Variants in PDZRN4 observed in about 807,000 individuals in gnomAD.
PDZRN4 encodes PDZ domain containing ring finger 4.
In PDZRN4, 70 loss-of-function variants were observed where a neutral mutation model predicts 99.0. The observed-to-expected ratio is 0.71, with a 90% confidence interval of 0.58 to 0.86. The LOEUF is 0.86. PDZRN4 is among the 40% of genes least tolerant of loss of function. The probability of loss-of-function intolerance (pLI) is 0.00; values close to 1 mark genes in which losing one functional copy is unlikely to be tolerated. For synonymous variants in PDZRN4, 551 were observed against 501.6 expected (o/e 1.10, Z -1.32); for missense variants, 1,474 against 1,331.2 (o/e 1.11, Z -1.67).
intron 3 of PDZRN4, among the ~76,000 whole-genome samples, chr12:41,306,821 T>C (rs919585522): frequency 6.6e-6 from 1 of 152,224 alleles, no homozygotes; most frequent in Non-Finnish European, 1.5e-5. Context: ...GCCATGTTCC[T>C]TGCCTCCATA....
intron 3 of PDZRN4, among the ~76,000 whole-genome samples, chr12:41,495,936 C>T (rs1330569098): frequency 6.6e-6 from 1 of 152,128 alleles, no homozygotes; most frequent in Admixed American, 6.6e-5. Context: ...ATAGCACAGG[C>T]ATAGTTAGCC....
At chr12:41,422,571 C>G (rs555951111) in intron 3 of PDZRN4, among the ~76,000 whole-genome samples, 1 of 152,052 alleles carries the variant, frequency 6.6e-6, no homozygotes, top group Non-Finnish European at 1.5e-5. Context: ...GAAGCAAGGA[C>G]CTTCTTCACA....
intron 3 of PDZRN4, among the ~76,000 whole-genome samples, chr12:41,406,196 A>T (rs879662775): frequency 1.3e-5 from 2 of 152,200 alleles, no homozygotes; most frequent in Admixed American, 1.3e-4. Context: ...ACTAAAATAC[A>T]AGTACTAGAT....
intron 5 of PDZRN4, among the ~76,000 whole-genome samples, chr12:41,529,876 TA>T (rs1171724145): frequency 6.6e-6 from 1 of 152,318 alleles, no homozygotes; most frequent in East Asian, 1.9e-4. Context: ...CTTCTGGACC[TA>T]ATGTTCTGAT....
rs74078828 is a variant in PDZRN4, at chr12:41,426,277, T to C, written c.844-80179T>C. Among the ~76,000 whole-genome samples the C allele has an allele frequency of 3.9e-3, 598 of 151,784 alleles. 2 individuals carry two copies. The highest frequency in any genetic ancestry group is 0.014 in the African/African-American group (580 of 41,062). On this transcript the variant is annotated intron_variant, in intron 3 of 9. Transcript: ENST00000402685. ...TAGATAGGTTCGGTGGGGGCTTCTT[T>C]ATGCCCAACCCATAACTGATCCTAG...
chr12:41,370,944 T>A (rs1010965460), intron 3 of PDZRN4, among the ~76,000 whole-genome samples: 2 of 151,550 alleles, frequency 1.3e-5, no homozygotes, highest in African/African-American at 4.8e-5. Context: ...TACTTCTCTG[T>A]TTTAATCATA....
chr12:41,231,391 A>G (rs1951029027), intron 3 of PDZRN4, among the ~76,000 whole-genome samples: 1 of 152,122 alleles, frequency 6.6e-6, no homozygotes, highest in African/African-American at 2.4e-5. Flanking sequence ...CATTGCAGAA[A>G]GGATCAGATT....
intron 3 of PDZRN4, among the ~76,000 whole-genome samples, chr12:41,460,883 T>C (rs1187637152): frequency 6.6e-6 from 1 of 152,214 alleles, no homozygotes; most frequent in East Asian, 1.9e-4. Context: ...TTCATGTTGC[T>C]CGTCTAAGGG....
intron 6 of PDZRN4, among the ~76,000 whole-genome samples, chr12:41,554,767 A>T (rs760134571): frequency 4.6e-4 from 70 of 152,020 alleles, no homozygotes; most frequent in Non-Finnish European, 7.2e-4. Flanking sequence ...TTTACCCCAC[A>T]TGTAAAGTAG....
At chr12:41,513,047 T>A (rs1938336157) in intron 5 of PDZRN4, among the ~76,000 whole-genome samples, 1 of 152,052 alleles carries the variant, frequency 6.6e-6, no homozygotes, top group African/African-American at 2.4e-5. Context: ...TACTATTAAC[T>A]CAGTGAACCA....
intron 3 of PDZRN4, among the ~76,000 whole-genome samples, chr12:41,502,002 G>A (rs1044016678): frequency 1.3e-5 from 2 of 151,860 alleles, no homozygotes; most frequent in African/African-American, 2.4e-5. Context: ...CCTACATTTA[G>A]TTTGTCTCGG....
At chr12:41,338,532 G>A (rs34220247) in intron 3 of PDZRN4, among the ~76,000 whole-genome samples, 64,048 of 151,354 alleles carry the variant, frequency 0.42, 16,014 homozygotes, top group Middle Eastern at 0.64. Flanking sequence ...TTGGTTTTTC[G>A]AAAAGATAAA....
At chr12:41,270,328 G>C (rs1443472761) in intron 3 of PDZRN4, among the ~76,000 whole-genome samples, 1 of 125,410 alleles carries the variant, frequency 8.0e-6, no homozygotes, top group Non-Finnish European at 1.7e-5. Flanking sequence ...GTGTGTGTCT[G>C]TGTGTGTGTG....
At chr12:41,418,688 A>G (rs1488216801) in intron 3 of PDZRN4, among the ~76,000 whole-genome samples, 1 of 152,188 alleles carries the variant, frequency 6.6e-6, no homozygotes, top group East Asian at 1.9e-4. Context: ...TATGTAAAAC[A>G]AAGCAATTTT....
chr12:41,425,230 A>G (rs1164478760), intron 3 of PDZRN4, among the ~76,000 whole-genome samples: 1 of 151,978 alleles, frequency 6.6e-6, no homozygotes, highest in Non-Finnish European at 1.5e-5. Flanking sequence ...ACACACTCAA[A>G]CAAAATTAAA....
intron 9 of PDZRN4, among the ~76,000 whole-genome samples, chr12:41,571,335 G>GTC (rs752003607): frequency 0.015 from 1,471 of 101,234 alleles, 20 homozygotes; most frequent in Non-Finnish European, 0.023. Flanking sequence ...AATTACCAGA[G>GTC]TCTCTCTCTC....
At chr12:41,256,643 T>C (rs1299159694) in intron 3 of PDZRN4, among the ~76,000 whole-genome samples, 2 of 152,202 alleles carry the variant, frequency 1.3e-5, no homozygotes, top group African/African-American at 4.8e-5. Context: ...TATAGTATCT[T>C]GCCATAGCTG....
intron 3 of PDZRN4, among the ~76,000 whole-genome samples, chr12:41,227,936 G>GGTATATTACCATTTA (rs1951005855): frequency 2.0e-5 from 3 of 149,174 alleles, no homozygotes; most frequent in Non-Finnish European, 4.4e-5. Context: ...GGGTTGAAAT[G>GGTATATTACCATTTA]GTATATTACC....
chr12:41,298,573 C>T (rs1951510524), intron 3 of PDZRN4, among the ~76,000 whole-genome samples: 1 of 151,894 alleles, frequency 6.6e-6, no homozygotes, highest in South Asian at 2.1e-4. Context: ...TTATAAATTA[C>T]CTGATTTGGA....
Sources: gnomAD v4.1 joint callset for allele counts (sites outside exome capture counted in the v4.1 genomes callset) on GRCh38, gnomAD v4.1.1 for gene constraint, MANE v1.5 for transcripts, NCBI Gene and HGNC (gene_info 2026-07-23, HGNC 2026-07-21) for gene names.